Variants in ANK3 observed in about 807,000 individuals in gnomAD.
ANK3 encodes the protein ankyrin-3.
Under a neutral mutation model 370.9 loss-of-function variants are expected in ANK3, and 57 were observed. The observed-to-expected ratio is 0.15, with a 90% CI of 0.12 to 0.19. ANK3 has a LOEUF of 0.19. ANK3 is among the 10% of genes least tolerant of loss of function. ANK3 has a pLI of 1.00. For synonymous variants in ANK3, 1,929 were observed against 1,946.3 expected (o/e 0.99, Z 0.23); for missense variants, 4,439 against 5,302.1 (o/e 0.84, Z 5.06).
At chr10:60,349,005 C>T (rs1298737354) in intron 1 of ANK3, among the ~76,000 whole-genome samples, 1 of 152,114 alleles carries the variant, frequency 6.6e-6, no homozygotes, top group Admixed American at 6.6e-5. Flanking sequence ...TTTCAGCCTC[C>T]CCAGCATGAA....
chr10:60,085,289 T>A, intron 30 of ANK3, 36 bp from the exon 31 acceptor site: 1 of 1,512,350 alleles, frequency 6.6e-7, no homozygotes, highest in Non-Finnish European at 9.1e-7. Context: ...GACTTTATCA[T>A]GGGAGATGCT....
At chr10:60,334,238 A>G (rs551955656) in intron 1 of ANK3, among the ~76,000 whole-genome samples, 15 of 152,304 alleles carry the variant, frequency 9.8e-5, no homozygotes, top group Admixed American at 9.8e-4. Context: ...TGGGCTTCAC[A>G]TGTTTATTTT....
chr10:60,082,516 A>T, intron 34 of ANK3, 99 bp downstream of exon 34: 3 of 1,476,742 alleles, frequency 2.0e-6, no homozygotes, highest in South Asian at 2.7e-5. Flanking sequence ...TTCAGTTTCA[A>T]GAGCTTTATT....
chr10:60,106,140 T>C (rs2092136694), intron 27 of ANK3, 81 bp from the exon 28 acceptor site: 1 of 1,298,512 alleles, frequency 7.7e-7, no homozygotes, highest in Non-Finnish European at 1.0e-6. Flanking sequence ...TCGTTAACAG[T>C]ATTCATTTGA....
intron 43 of ANK3, among the ~76,000 whole-genome samples, chr10:60,032,266 G>A (rs1255108167): frequency 7.2e-6 from 1 of 138,186 alleles, no homozygotes; most frequent in East Asian, 2.1e-4. Context: ...GAATGGAATG[G>A]CATGATCACG....
chr10:60,059,964 A>C (rs1433790099), intron 40 of ANK3: 1 of 1,610,540 alleles, frequency 6.2e-7, no homozygotes, highest in African/African-American at 1.3e-5. Flanking sequence ...TGTGTAGTGC[A>C]ACCCTGTGGG....
chr10:60,251,297 T>C (rs1311998546), intron 7 of ANK3, among the ~76,000 whole-genome samples: 1 of 152,170 alleles, frequency 6.6e-6, no homozygotes, highest in Non-Finnish European at 1.5e-5. Flanking sequence ...TGGGGGATGC[T>C]AGACACTTTC....
intron 7 of ANK3, among the ~76,000 whole-genome samples, chr10:60,237,114 C>T (rs369218948): frequency 2.0e-5 from 3 of 152,292 alleles, no homozygotes; most frequent in East Asian, 3.9e-4. Context: ...ATAGGCTGTG[C>T]CTTTGGGCAC....
chr10:60,056,474 A>C (rs2079195058), intron 41 of ANK3, among the ~76,000 whole-genome samples: 1 of 152,090 alleles, frequency 6.6e-6, no homozygotes. Context: ...GTCTCAAAAT[A>C]AATAAATAAA....
chr10:60,324,388 C>T (rs180721338), intron 1 of ANK3, among the ~76,000 whole-genome samples: 22 of 152,294 alleles, frequency 1.4e-4, no homozygotes, highest in Non-Finnish European at 2.8e-4. Flanking sequence ...GGAGTCTGCT[C>T]CTGCCAAGAA....
chr10:60,682,393 C>A (rs1049484983), intron 1 of ANK3, among the ~76,000 whole-genome samples: 7 of 101,270 alleles, frequency 6.9e-5, no homozygotes, highest in Admixed American at 2.3e-4. Context: ...CTTCTCCGAG[C>A]CTCATTTTTT....
At chr10:60,311,392 C>T (rs1219705067) in intron 1 of ANK3, among the ~76,000 whole-genome samples, 1 of 148,814 alleles carries the variant, frequency 6.7e-6, no homozygotes, top group Non-Finnish European at 1.5e-5. Flanking sequence ...TACTTTGCTA[C>T]ACTAAATACT....
chr10:60,586,925 T>C (rs920569793), intron 2 of ANK3, among the ~76,000 whole-genome samples: 3 of 152,214 alleles, frequency 2.0e-5, no homozygotes, highest in African/African-American at 7.2e-5. Context: ...AATTACTGCA[T>C]GGAAGACTGT....
chr10:60,536,820 C>T (rs974331956), intron 2 of ANK3, among the ~76,000 whole-genome samples: 2 of 151,922 alleles, frequency 1.3e-5, no homozygotes. Flanking sequence ...TAATAGTGCA[C>T]CCAAGAGTAT....
rs944952790 is a variant in ANK3, at chr10:60,402,559, G to A, written c.97-122920C>T. On this transcript the variant is annotated intron_variant, in intron 2 of 43. Coordinates refer to the ANK3 transcript ENST00000373827. ...TGAACTATATTTTTCCTCCCTATAA[G>A]TCTGAGTTGTTTATGTGACTGGCTT... Among the ~76,000 whole-genome samples, 70 of 152,252 alleles carry A rather than the reference G, an allele frequency of 4.6e-4. 1 individual carries two copies. Among genetic ancestry groups the A allele is most frequent in the African/African-American group, 1.6e-3 (68 of 41,558 alleles).
At chr10:60,320,944 TC>T (rs1264464630) in intron 1 of ANK3, among the ~76,000 whole-genome samples, 1 of 151,976 alleles carries the variant, frequency 6.6e-6, no homozygotes, top group Non-Finnish European at 1.5e-5. Context: ...TGTCACTAAG[TC>T]CCCCAGTCTG....
At chr10:60,594,991 A>T (rs2077967334) in intron 2 of ANK3, among the ~76,000 whole-genome samples, 1 of 152,212 alleles carries the variant, frequency 6.6e-6, no homozygotes, top group Non-Finnish European at 1.5e-5. Flanking sequence ...CAAGGTAAGT[A>T]TCCCCTGAAG....
intron 2 of ANK3, among the ~76,000 whole-genome samples, chr10:60,537,812 T>TA (rs1234054041): frequency 6.6e-6 from 1 of 151,790 alleles, no homozygotes; most frequent in Non-Finnish European, 1.5e-5. Context: ...GGCTATAACT[T>TA]AAAAAAAATC....
At chr10:60,384,748 C>T (rs915119018) in intron 1 of ANK3, among the ~76,000 whole-genome samples, 1 of 152,104 alleles carries the variant, frequency 6.6e-6, no homozygotes, top group African/African-American at 2.4e-5. Flanking sequence ...AATAAGTGGT[C>T]AATAAATGGC....
Sources: allele counts gnomAD v4.1 joint callset (sites outside exome capture counted in the v4.1 genomes callset), GRCh38; gene constraint gnomAD v4.1.1; transcripts MANE v1.5; gene names NCBI Gene and HGNC (gene_info 2026-07-23, HGNC 2026-07-21).